MRPS6: variants seen among roughly 807,000 people sequenced by gnomAD.
The protein encoded by MRPS6 is small ribosomal subunit protein bS6m.
Under a neutral mutation model 13.1 loss-of-function variants are expected in MRPS6, and 6 were observed. The ratio of observed to expected loss-of-function variants is 0.46; its 90% CI spans 0.25 to 0.91. The LOEUF is 0.91. Among genes scored for constraint, MRPS6 ranks in the 40% least tolerant of loss-of-function variants. MRPS6 has a pLI of 0.18. For synonymous variants in MRPS6, 61 were observed against 56.5 expected, an observed-to-expected ratio of 1.08 and a Z score of -0.36; for missense variants, 164 against 155.6, an observed-to-expected ratio of 1.05 and a Z score of -0.29.
At chr21:34,105,888 AATC>A in intron 1 of MRPS6, 1 of 989,226 alleles carries the variant, frequency 1.0e-6, no homozygotes, top group Non-Finnish European at 1.2e-6. Context: ...AGATTGTTAA[AATC>A]ATGACAATTC....
rs771512755 is a variant in MRPS6, at chr21:34,096,555, G to T, written c.45+22810G>T. ...AGCAGATTACCTGACACCCCCAGTG[G>T]CAGCCTTGTTCCTGCTGGCAATTTT... On this transcript the variant is annotated intron_variant, in intron 1 of 2. Transcript: ENST00000399312. The surrounding 1 kb of genome is among the most constrained non-coding windows in gnomAD (Gnocchi z 5.9). 5 of 1,613,988 alleles carry T rather than the reference G, an allele frequency of 3.1e-6. No homozygotes were observed. The Admixed American group carries it at 8.3e-5, about 27-fold the overall frequency.
At chr21:34,104,670 T>A in intron 1 of MRPS6, 1 of 1,000,262 alleles carries the variant, frequency 1.0e-6, no homozygotes, top group Non-Finnish European at 1.2e-6. Flanking sequence ...ACCACATTAT[T>A]TGAGAATATC....
intron 1 of MRPS6, chr21:34,095,408 A>T (rs1393261336): frequency 1.9e-6 from 3 of 1,613,998 alleles, no homozygotes; most frequent in Admixed American, 3.3e-5. Context: ...GGCTGGCAGG[A>T]TCTGGAGCTG....
intron 2 of MRPS6, among the ~76,000 whole-genome samples, chr21:34,141,843 C>A (rs970960940): frequency 6.6e-6 from 1 of 152,166 alleles, no homozygotes; most frequent in South Asian, 2.1e-4. Flanking sequence ...GTGGTAAATT[C>A]TTTTTCTTAC....
intron 2 of MRPS6, among the ~76,000 whole-genome samples, chr21:34,133,052 C>G (rs1320563699): frequency 6.6e-6 from 1 of 152,216 alleles, no homozygotes; most frequent in Non-Finnish European, 1.5e-5. Flanking sequence ...CCAACCAACA[C>G]TCGGCACCAC....
chr21:34,073,641 C>T lies in MRPS6; in HGVS notation c.-60C>T, dbSNP rs11557341. On this transcript the variant is annotated 5_prime_UTR_variant, in exon 1 of 3. Coordinates refer to ENST00000399312, the MANE Select transcript of MRPS6 (RefSeq NM_032476.4). ...TAGGTCCCCACTGTCCCCGCCGTCC[C>T]GCCCCTTCGCGTCCCGGGAACCGGC... 4.1e-6 allele frequency: 6 copies of T among 1,457,912 alleles called. No individual in the cohort carries two copies. Among genetic ancestry groups the T allele is most frequent in the Middle Eastern group, 2.1e-4 (1 of 4,844 alleles). 90.3% of individuals were successfully genotyped at this position (1,457,912 alleles called of 1,614,324 possible). A position where few individuals can be genotyped will look rare whatever the true frequency, so the allele number is the denominator to read the frequency against.
chr21:34,102,745 T>C (rs956533907), intron 1 of MRPS6: 2 of 1,000,060 alleles, frequency 2.0e-6, no homozygotes, highest in Non-Finnish European at 2.4e-6. Context: ...TTTTTCGTAG[T>C]GTGGGAACAG....
At chr21:34,081,954 C>G (rs1454476282) in intron 1 of MRPS6, among the ~76,000 whole-genome samples, 1 of 151,944 alleles carries the variant, frequency 6.6e-6, no homozygotes, top group Admixed American at 6.6e-5. Flanking sequence ...CTACTCTGCT[C>G]CCATCTATTA....
chr21:34,074,929 C>G (rs1989290060), intron 1 of MRPS6, among the ~76,000 whole-genome samples: 1 of 152,096 alleles, frequency 6.6e-6, no homozygotes, highest in African/African-American at 2.4e-5. Flanking sequence ...GCCAGTGCCT[C>G]TCTATGAGGT....
At chr21:34,078,609 C>CA (rs1307497565) in intron 1 of MRPS6, among the ~76,000 whole-genome samples, 2 of 151,918 alleles carry the variant, frequency 1.3e-5, no homozygotes, top group Admixed American at 6.5e-5. Context: ...AAATCAGTTT[C>CA]AAAAAATTAA....
chr21:34,106,070 C>T (rs1979464208), intron 1 of MRPS6: 2 of 997,838 alleles, frequency 2.0e-6, no homozygotes, highest in South Asian at 9.4e-5. Flanking sequence ...ATACACTGTT[C>T]TTTGTGTACT....
intron 2 of MRPS6, among the ~76,000 whole-genome samples, chr21:34,138,888 A>G (rs1187784167): frequency 6.6e-6 from 1 of 152,040 alleles, no homozygotes; most frequent in Non-Finnish European, 1.5e-5. Flanking sequence ...ACATGCATAC[A>G]TATGTTTATT....
chr21:34,090,370 G>A (rs1978623388), intron 1 of MRPS6, among the ~76,000 whole-genome samples: 1 of 152,186 alleles, frequency 6.6e-6, no homozygotes, highest in Admixed American at 6.5e-5. Flanking sequence ...TAGAACTTGA[G>A]TCAAGGTGAC....
chr21:34,086,517 TTGTGTGTGTGTGTG>T (rs34988334), intron 1 of MRPS6, among the ~76,000 whole-genome samples: 505 of 148,384 alleles, frequency 3.4e-3, no homozygotes, highest in Non-Finnish European at 5.3e-3. Context: ...TAGTTTGTGT[TTGTGTGTGTGTGTG>T]TGTGTGTGTG....
intron 1 of MRPS6, among the ~76,000 whole-genome samples, chr21:34,115,523 G>A (rs1415221748): frequency 2.6e-5 from 4 of 152,136 alleles, no homozygotes; most frequent in African/African-American, 9.7e-5. Context: ...TAATGATGCT[G>A]GAAGTACCAG....
At chr21:34,102,901 A>G in intron 1 of MRPS6, 6 of 999,748 alleles carry the variant, frequency 6.0e-6, no homozygotes, top group Non-Finnish European at 6.0e-6. Flanking sequence ...CAACCGCACA[A>G]GTTGGCAGTA....
At chr21:34,102,134 G>GT in intron 1 of MRPS6, 2 of 1,000,144 alleles carry the variant, frequency 2.0e-6, no homozygotes, top group Non-Finnish European at 2.4e-6. Context: ...AATATGGAAT[G>GT]TTTTTGTCAG....
chr21:34,099,187 G>A (rs1398179162), intron 1 of MRPS6: 25 of 999,616 alleles, frequency 2.5e-5, no homozygotes, highest in Non-Finnish European at 3.0e-5. Context: ...AGAGTGCCTT[G>A]TAGAATTTTT....
chr21:34,134,016 TG>T (rs758377522), intron 2 of MRPS6, among the ~76,000 whole-genome samples: 2 of 152,140 alleles, frequency 1.3e-5, no homozygotes, highest in Non-Finnish European at 2.9e-5. Context: ...GGTGGCCAAA[TG>T]GAATTATTGT....
Sources: allele counts gnomAD v4.1 joint callset (sites outside exome capture counted in the v4.1 genomes callset), GRCh38; gene constraint gnomAD v4.1.1; non-coding constraint Gnocchi (gnomAD v3.1); transcripts MANE v1.5; gene names NCBI Gene and HGNC (gene_info 2026-07-23, HGNC 2026-07-21).